The following SGCZ variants were observed in gnomAD, a reference collection of about 807,000 sequenced individuals.
SGCZ encodes zeta-sarcoglycan.
A neutral mutation model predicts 41.3 loss-of-function variants in SGCZ; 40 were observed. The observed-to-expected ratio is 0.97, with a 90% confidence interval of 0.75 to 1.26. The LOEUF is 1.26. Ranked by LOEUF, SGCZ falls within the 50% of genes most tolerant of loss-of-function variation. The pLI is 0.00. For synonymous variants in SGCZ, 206 were observed against 137.5 expected (o/e 1.50, Z -3.49); for missense variants, 552 against 369.8 (o/e 1.49, Z -4.04).
intron 2 of SGCZ, among the ~76,000 whole-genome samples, chr8:14,546,743 C>T (rs755843381): frequency 1.3e-5 from 2 of 152,062 alleles, no homozygotes; most frequent in Non-Finnish European, 2.9e-5. Flanking sequence ...TATATGAAAG[C>T]ACGGAGTTAT....
chr8:14,826,900 C>T lies in SGCZ; in HGVS notation c.40-271974G>A, dbSNP rs1021318635. On this transcript the variant is annotated intron_variant, in intron 1 of 7. Transcript: ENST00000382080. ...TCTGTAGGCTGCCTGTTCACTCTGA[C>T]GGTAGTTTCTTTTGCTGTGCAGAAG... Among the ~76,000 whole-genome samples, 14 of 152,054 alleles carry T rather than the reference C, an allele frequency of 9.2e-5. No individual in the cohort carries two copies. The East Asian group carries it at 2.1e-3, about 23-fold the overall frequency.
chr8:14,247,770 C>A (rs143134339), intron 3 of SGCZ, among the ~76,000 whole-genome samples: 1 of 152,270 alleles, frequency 6.6e-6, no homozygotes, highest in East Asian at 1.9e-4. Context: ...GGTTCCAACC[C>A]TATCCACTGT....
At chr8:14,544,309 A>C (rs1370415587) in intron 2 of SGCZ, among the ~76,000 whole-genome samples, 3 of 152,160 alleles carry the variant, frequency 2.0e-5, no homozygotes, top group African/African-American at 7.2e-5. Flanking sequence ...GTAACTGTAC[A>C]AATTGATTGT....
At chr8:14,607,646 T>C (rs982787492) in intron 1 of SGCZ, among the ~76,000 whole-genome samples, 3 of 152,004 alleles carry the variant, frequency 2.0e-5, no homozygotes, top group African/African-American at 7.3e-5. Context: ...ATGTGCAGGG[T>C]AGTGACAATT....
intron 2 of SGCZ, among the ~76,000 whole-genome samples, chr8:14,379,355 A>G (rs947410649): frequency 6.6e-6 from 1 of 152,184 alleles, no homozygotes; most frequent in Non-Finnish European, 1.5e-5. Flanking sequence ...TAGATGATAT[A>G]ATGATAGAGA....
At chr8:15,173,950 G>C (rs1169637668) in intron 1 of SGCZ, among the ~76,000 whole-genome samples, 1 of 152,014 alleles carries the variant, frequency 6.6e-6, no homozygotes, top group Admixed American at 6.6e-5. Flanking sequence ...GCAAACTCCT[G>C]GGCTCAAGCA....
chr8:14,822,632 T>C (rs571166704), intron 1 of SGCZ, among the ~76,000 whole-genome samples: 1 of 152,128 alleles, frequency 6.6e-6, no homozygotes, highest in African/African-American at 2.4e-5. Context: ...AAAACAGATA[T>C]GTAAACCAAC....
intron 1 of SGCZ, among the ~76,000 whole-genome samples, chr8:14,619,877 A>G (rs1199166643): frequency 1.3e-5 from 2 of 152,204 alleles, no homozygotes; most frequent in Admixed American, 1.3e-4. Flanking sequence ...AAGGTAATTT[A>G]TAGATTCAAT....
At chr8:14,538,359 T>C (rs1180461737) in intron 2 of SGCZ, among the ~76,000 whole-genome samples, 1 of 151,938 alleles carries the variant, frequency 6.6e-6, no homozygotes, top group Non-Finnish European at 1.5e-5. Flanking sequence ...TAAGAAACTC[T>C]ACAGTCAAGT....
Position 14,534,581 on chromosome 8 carries a change from T to C in SGCZ, c.234+20151A>G, listed in dbSNP as rs371778981. ...AACAGTCTTGTTTTTGAGGTGCTCA[T>C]GATCTGGGACAGGAGACCGTTGAGC... On this transcript the variant is annotated intron_variant, in intron 2 of 7. Coordinates refer to ENST00000382080, the MANE Select transcript of SGCZ (RefSeq NM_139167.4). Among the ~76,000 whole-genome samples the C allele has an allele frequency of 5.7e-4, 86 of 152,100 alleles. No individual in the cohort carries two copies. In the East Asian group the frequency reaches 0.01, roughly 18 times the overall value.
At chr8:14,352,317 G>C (rs185213530) in intron 2 of SGCZ, among the ~76,000 whole-genome samples, 2 of 152,188 alleles carry the variant, frequency 1.3e-5, no homozygotes, top group Admixed American at 1.3e-4. Context: ...AAGGAGTAGA[G>C]TGTAAGGATG....
At chr8:14,386,978 G>T (rs1804599990) in intron 2 of SGCZ, among the ~76,000 whole-genome samples, 4 of 152,202 alleles carry the variant, frequency 2.6e-5, no homozygotes, top group Admixed American at 1.3e-4. Flanking sequence ...ATCTAGTTTT[G>T]TTGAAAGATT....
In SGCZ at chr8:14,719,123, T is replaced by G. The variant is rs1002113508; in HGVS notation, c.40-164197A>C. On this transcript the variant is annotated intron_variant, in intron 1 of 7. Coordinates refer to ENST00000382080, the MANE Select transcript of SGCZ (RefSeq NM_139167.4). ...GCGGTGTTTGGTTTTTTGTTCTTGC[T>G]ATAGTTTACTGAGAATGATGATTTC... Among the ~76,000 whole-genome samples, 158 of 150,760 alleles carry G rather than the reference T, an allele frequency of 1.0e-3. 1 individual carries two copies. Among genetic ancestry groups the G allele is most frequent in the African/African-American group, 3.2e-3 (132 of 40,974 alleles).
At chr8:14,891,483 G>A (rs1437211270) in intron 1 of SGCZ, among the ~76,000 whole-genome samples, 2 of 152,110 alleles carry the variant, frequency 1.3e-5, no homozygotes, top group African/African-American at 4.8e-5. Flanking sequence ...ACAGTCTCAG[G>A]ATAAAACATT....
intron 1 of SGCZ, among the ~76,000 whole-genome samples, chr8:14,759,997 G>A (rs1243842371): frequency 6.6e-6 from 1 of 152,174 alleles, no homozygotes; most frequent in Non-Finnish European, 1.5e-5. Flanking sequence ...TAGCTATTGA[G>A]TGGTGTTTTA....
chr8:14,414,317 T>C (rs1799439132), intron 2 of SGCZ, among the ~76,000 whole-genome samples: 1 of 152,000 alleles, frequency 6.6e-6, no homozygotes, highest in Non-Finnish European at 1.5e-5. Flanking sequence ...AGATATACTA[T>C]ATACGTATGA....
chr8:14,964,954 T>A (rs1345382440), intron 1 of SGCZ, among the ~76,000 whole-genome samples: 1 of 152,126 alleles, frequency 6.6e-6, no homozygotes. Flanking sequence ...AACTCGCTTG[T>A]GGGAGCTCAG....
chr8:14,317,348 A>T (rs551504853), intron 3 of SGCZ, among the ~76,000 whole-genome samples: 2 of 152,176 alleles, frequency 1.3e-5, no homozygotes, highest in African/African-American at 4.8e-5. Flanking sequence ...AGAGGGGTTA[A>T]CTAAAGTTAC....
chr8:14,721,796 G>C (rs1315703541), intron 1 of SGCZ, among the ~76,000 whole-genome samples: 1 of 152,068 alleles, frequency 6.6e-6, no homozygotes, highest in Admixed American at 6.6e-5. Context: ...TTTAACTGCA[G>C]CCAAAACAAA....
Sources: gnomAD v4.1 joint callset for allele counts (sites outside exome capture counted in the v4.1 genomes callset) on GRCh38, gnomAD v4.1.1 for gene constraint, MANE v1.5 for transcripts, NCBI Gene and HGNC (gene_info 2026-07-23, HGNC 2026-07-21) for gene names.